The following LHFPL3 variants were observed in gnomAD, a reference collection of about 807,000 sequenced individuals.
The protein encoded by LHFPL3 is LHFPL tetraspan subfamily member 3, also known as LHFPL tetraspan subfamily member 3 protein.
LHFPL3 carries 5 observed loss-of-function variants against 19.3 expected under a neutral mutation model. That is an observed-to-expected ratio of 0.26 (90% confidence interval 0.14 to 0.54). The LOEUF (loss-of-function observed/expected upper bound fraction) is 0.54, where lower values mean the gene tolerates loss of function less well. Among genes scored for constraint, LHFPL3 ranks in the 20% least tolerant of loss-of-function variants. The pLI is 0.94. For missense variants in LHFPL3, 249 were observed against 307.4 expected, an observed-to-expected ratio of 0.81 and a Z score of 1.42; for synonymous variants, 133 against 126.2, an observed-to-expected ratio of 1.05 and a Z score of -0.36.
intron 1 of LHFPL3, among the ~76,000 whole-genome samples, chr7:104,495,006 C>T (rs923062026): frequency 3.3e-5 from 5 of 152,172 alleles, no homozygotes; most frequent in African/African-American, 1.2e-4. Context: ...CAGATCAATC[C>T]CCTTCCTCTT....
chr7:104,888,639 T>C (rs1031138798), intron 2 of LHFPL3, among the ~76,000 whole-genome samples: 3 of 152,228 alleles, frequency 2.0e-5, no homozygotes, highest in Admixed American at 1.3e-4. Context: ...ATGTAAGGCC[T>C]GGTTCTTGTC....
intron 1 of LHFPL3, among the ~76,000 whole-genome samples, chr7:104,527,138 C>T (rs1449029000): frequency 4.6e-5 from 7 of 152,046 alleles, no homozygotes; most frequent in African/African-American, 1.7e-4. Context: ...GTGTGCTCAC[C>T]CAGTGTTGCT....
chr7:104,790,438 G>T (rs539992555), intron 2 of LHFPL3, among the ~76,000 whole-genome samples: 2 of 151,996 alleles, frequency 1.3e-5, no homozygotes, highest in Non-Finnish European at 2.9e-5. Flanking sequence ...CTGGCCATAC[G>T]TATGTCTCCT....
At chr7:104,440,043 G>GGGT (rs1562898081) in intron 1 of LHFPL3, among the ~76,000 whole-genome samples, 2 of 145,200 alleles carry the variant, frequency 1.4e-5, no homozygotes, top group East Asian at 2.1e-4. Flanking sequence ...CCTGGGGGGG[G>GGGT]GGAGGGATAG....
intron 2 of LHFPL3, among the ~76,000 whole-genome samples, chr7:104,873,166 T>G (rs1406428548): frequency 6.6e-6 from 1 of 152,224 alleles, no homozygotes; most frequent in South Asian, 2.1e-4. Context: ...ACAAGAGTAT[T>G]CTAATGTTTT....
At chr7:104,628,681 A>T (rs1791588640) in intron 1 of LHFPL3, among the ~76,000 whole-genome samples, 1 of 152,238 alleles carries the variant, frequency 6.6e-6, no homozygotes, top group African/African-American at 2.4e-5. Context: ...TAGCATTCAT[A>T]TTACTGGGAT....
chr7:104,777,583 T>G (rs1256730557), intron 2 of LHFPL3, among the ~76,000 whole-genome samples: 1 of 152,218 alleles, frequency 6.6e-6, no homozygotes, highest in Non-Finnish European at 1.5e-5. Context: ...TAGAATTCCC[T>G]TGGCCTGATG....
intron 2 of LHFPL3, among the ~76,000 whole-genome samples, chr7:104,800,858 C>A (rs995570622): frequency 6.6e-6 from 1 of 152,184 alleles, no homozygotes; most frequent in Non-Finnish European, 1.5e-5. Flanking sequence ...AGGCAAAGTG[C>A]AATAAAAGAT....
intron 2 of LHFPL3, among the ~76,000 whole-genome samples, chr7:104,804,931 T>C (rs1028368650): frequency 1.3e-5 from 2 of 152,226 alleles, no homozygotes; most frequent in African/African-American, 4.8e-5. Flanking sequence ...GTGGTAATAC[T>C]GTTATACAAT....
intron 2 of LHFPL3, among the ~76,000 whole-genome samples, chr7:104,880,800 C>T (rs555034553): frequency 6.6e-5 from 10 of 152,272 alleles, no homozygotes; most frequent in Non-Finnish European, 1.5e-4. Flanking sequence ...TGTTTTCATG[C>T]CAGTTAATCC....
chr7:104,448,440 A>G (rs1312196823), intron 1 of LHFPL3, among the ~76,000 whole-genome samples: 4 of 152,198 alleles, frequency 2.6e-5, no homozygotes, highest in Admixed American at 2.6e-4. Flanking sequence ...TTTAGCCAAT[A>G]CAGCAAAATG....
chr7:104,832,850 G>GAAT (rs1790981449), intron 2 of LHFPL3, among the ~76,000 whole-genome samples: 1 of 145,314 alleles, frequency 6.9e-6, no homozygotes, highest in Non-Finnish European at 1.5e-5. Flanking sequence ...GGTGGCATGT[G>GAAT]CCTATAGTCT....
At chr7:104,394,948 C>T (rs1015981233) in intron 1 of LHFPL3, among the ~76,000 whole-genome samples, 2 of 152,018 alleles carry the variant, frequency 1.3e-5, no homozygotes, top group Non-Finnish European at 2.9e-5. Context: ...ATCCACCCAC[C>T]TCGGCCTCCC....
chr7:104,518,182 G>A (rs1793959136), intron 1 of LHFPL3, among the ~76,000 whole-genome samples: 2 of 152,144 alleles, frequency 1.3e-5, no homozygotes, highest in Admixed American at 1.3e-4. Flanking sequence ...AATTTATACT[G>A]TTTGTTTTGA....
chr7:104,697,118 A>T (rs1273362328), intron 1 of LHFPL3, among the ~76,000 whole-genome samples: 1 of 152,192 alleles, frequency 6.6e-6, no homozygotes, highest in African/African-American at 2.4e-5. Flanking sequence ...CATTATAAAT[A>T]AGGACTAGTT....
intron 1 of LHFPL3, among the ~76,000 whole-genome samples, chr7:104,538,447 C>T (rs565700369): frequency 4.6e-5 from 7 of 152,268 alleles, no homozygotes; most frequent in African/African-American, 1.4e-4. Context: ...GAACACACAG[C>T]CATACATTCA....
intron 1 of LHFPL3, among the ~76,000 whole-genome samples, chr7:104,508,062 G>A (rs1247820835): frequency 6.7e-6 from 1 of 149,070 alleles, no homozygotes; most frequent in African/African-American, 2.5e-5. Context: ...GATTCCTCAG[G>A]GATCTAGAAC....
chr7:104,375,072 C>T (rs1485091443), intron 1 of LHFPL3, among the ~76,000 whole-genome samples: 2 of 152,212 alleles, frequency 1.3e-5, no homozygotes, highest in East Asian at 1.9e-4. Context: ...GGCACGGTGG[C>T]TTACCCCTGT....
At chr7:104,364,626 G>GTGTTGGGAGAAAGGATAGGC (rs1461114279) in intron 1 of LHFPL3, among the ~76,000 whole-genome samples, 4 of 152,196 alleles carry the variant, frequency 2.6e-5, no homozygotes, top group East Asian at 1.9e-4. Context: ...AAAGGATAGG[G>GTGTTGGGAGAAAGGATAGGC]TGTTAGGAGA....
Sources: allele counts gnomAD v4.1 joint callset (sites outside exome capture counted in the v4.1 genomes callset), GRCh38; gene constraint gnomAD v4.1.1; transcripts MANE v1.5; gene names NCBI Gene and HGNC (gene_info 2026-07-23, HGNC 2026-07-21).